The following KCMF1 variants were observed in gnomAD, a reference collection of about 807,000 sequenced individuals.
KCMF1 encodes the protein potassium channel modulatory factor 1.
Under a neutral mutation model 41.1 loss-of-function variants are expected in KCMF1, and 3 were observed. The ratio of observed to expected loss-of-function variants is 0.07; its 90% CI spans 0.03 to 0.19. The LOEUF (loss-of-function observed/expected upper bound fraction) is 0.19, where lower values mean the gene tolerates loss of function less well. Ranked by LOEUF, KCMF1 falls within the 10% of genes least tolerant of loss-of-function variation. KCMF1 has a pLI of 1.00. For synonymous variants in KCMF1, 142 were observed against 164.5 expected (o/e 0.86, Z 1.04); for missense variants, 286 against 488.9 (o/e 0.58, Z 3.91).
At chr2:85,009,752 C>T (rs1327409348) in intron 1 of KCMF1, among the ~76,000 whole-genome samples, 3 of 152,134 alleles carry the variant, frequency 2.0e-5, no homozygotes, top group Admixed American at 6.5e-5. Context: ...CCGTTTTCAA[C>T]GATGCCTTGA....
At chr2:85,019,610 T>A (rs918411357) in intron 1 of KCMF1, among the ~76,000 whole-genome samples, 1 of 152,124 alleles carries the variant, frequency 6.6e-6, no homozygotes, top group Non-Finnish European at 1.5e-5. Flanking sequence ...ATTCATAGTA[T>A]GCTAATCACC....
At chr2:84,998,491 T>C (rs1484231102) in intron 1 of KCMF1, among the ~76,000 whole-genome samples, 1 of 152,232 alleles carries the variant, frequency 6.6e-6, no homozygotes, top group East Asian at 1.9e-4. Flanking sequence ...TGATAATTTC[T>C]AATTCTTTTC....
intron 1 of KCMF1, among the ~76,000 whole-genome samples, chr2:84,987,891 A>C (rs952680967): frequency 6.6e-6 from 1 of 152,140 alleles, no homozygotes; most frequent in Non-Finnish European, 1.5e-5. Context: ...AGCACTTGTC[A>C]TGTGAGTGTT....
chr2:84,999,103 C>A (rs1485270769), intron 1 of KCMF1, among the ~76,000 whole-genome samples: 1 of 149,610 alleles, frequency 6.7e-6, no homozygotes, highest in African/African-American at 2.5e-5. Flanking sequence ...TGGAGTAATC[C>A]CAAAGTGCTG....
rs914113922 is a variant in KCMF1, at chr2:85,059,198, T to C, written c.*5789T>C. ...AATTAACAAGACACTAGTTTCCCCA[T>C]AAAAGTCCATTTTTAAATATATAGT... On this transcript the variant is annotated 3_prime_UTR_variant, in exon 7 of 7. Coordinates refer to ENST00000409785, the MANE Select transcript of KCMF1 (RefSeq NM_020122.5). 1.3e-5 allele frequency: 2 copies of C among 152,216 alleles called. No homozygotes were observed. Among genetic ancestry groups the C allele is most frequent in the African/African-American group, 4.8e-5 (2 of 41,462 alleles). The allele number at this position is 152,216 out of a possible 1,614,324, so 9.4% of individuals were successfully genotyped here.
At chr2:85,037,768 G>T (rs772052308) in intron 3 of KCMF1, among the ~76,000 whole-genome samples, 9 of 152,046 alleles carry the variant, frequency 5.9e-5, no homozygotes, top group Middle Eastern at 3.2e-3. Flanking sequence ...TCTAGACCAG[G>T]GTTCCCCAAC....
At chr2:85,042,597 C>G (rs1453120049) in intron 3 of KCMF1, among the ~76,000 whole-genome samples, 1 of 152,192 alleles carries the variant, frequency 6.6e-6, no homozygotes, top group Admixed American at 6.5e-5. Context: ...TGTGCACTTC[C>G]TGGGGCTCCT....
intron 1 of KCMF1, among the ~76,000 whole-genome samples, chr2:85,002,102 T>G (rs1674347377): frequency 6.6e-6 from 1 of 152,210 alleles, no homozygotes; most frequent in Non-Finnish European, 1.5e-5. Flanking sequence ...GGTAGAAGAA[T>G]TGATTATATT....
In KCMF1 at chr2:85,053,319, T is replaced by G; in HGVS notation, c.1056T>G (p.Cys352Trp). 6.2e-7 allele frequency: 1 copy of G among 1,613,916 alleles called. No individual in the cohort carries two copies. Among genetic ancestry groups the G allele is most frequent in the Non-Finnish European group, 8.5e-7 (1 of 1,179,862 alleles). ...GEMADFGAMG[C>W]VDIMPLDVAL... ...TGGCAGATTTTGGTGCTATGGGCTG[T>G]GTAGATATTATGCCTTTAGATGTTG... Residue 352 changes from cysteine to tryptophan, a missense_variant, in exon 7 of 7, where the codon TGT becomes TGG. Around this residue, in one of 2 missense-constraint regions of KCMF1, gnomAD observed 191 missense variants for 279.3 expected, o/e 0.68. Coordinates refer to ENST00000409785, the MANE Select transcript of KCMF1 (RefSeq NM_020122.5).
At chr2:85,031,251 A>T (rs1009462808) in intron 2 of KCMF1, among the ~76,000 whole-genome samples, 25 of 152,234 alleles carry the variant, frequency 1.6e-4, no homozygotes, top group Middle Eastern at 3.2e-3. Context: ...ATAATATTAA[A>T]TCTGCTGATA....
intron 1 of KCMF1, among the ~76,000 whole-genome samples, chr2:84,995,126 A>G (rs1461266912): frequency 6.6e-6 from 1 of 151,802 alleles, no homozygotes; most frequent in African/African-American, 2.4e-5. Context: ...GGTTCAAGCA[A>G]TTCTCCTGCC....
chr2:85,046,887 T>C (rs1430730834), intron 5 of KCMF1, among the ~76,000 whole-genome samples: 1 of 152,150 alleles, frequency 6.6e-6, no homozygotes, highest in East Asian at 1.9e-4. Flanking sequence ...TACAGGACAA[T>C]AAGATACTTA....
At chr2:85,012,009 G>A (rs1341283311) in intron 1 of KCMF1, among the ~76,000 whole-genome samples, 1 of 152,198 alleles carries the variant, frequency 6.6e-6, no homozygotes, top group Non-Finnish European at 1.5e-5. Context: ...AGCAGAAGGG[G>A]CTTGGAGCTG....
At chr2:84,983,405 C>T (rs531903220) in intron 1 of KCMF1, among the ~76,000 whole-genome samples, 1 of 152,164 alleles carries the variant, frequency 6.6e-6, no homozygotes, top group South Asian at 2.1e-4. Flanking sequence ...TACCTCACTG[C>T]AGCCTTGACC....
At chr2:85,036,947 A>C (rs142160515) in intron 3 of KCMF1, among the ~76,000 whole-genome samples, 2,686 of 151,468 alleles carry the variant, frequency 0.018, 51 homozygotes, top group East Asian at 0.046. Context: ...GGGCAAGGCA[A>C]CTCCTCAGTT....
chr2:85,043,548 T>TTTACTTCCA lies in KCMF1; in HGVS notation c.325-13_325-5dup, dbSNP rs763098164. 1.4e-5 allele frequency: 21 copies of TTTACTTCCA among 1,478,134 alleles called. No homozygotes were observed. The highest frequency in any genetic ancestry group is 1.7e-5 in the Non-Finnish European group (18 of 1,059,830). 91.6% of individuals were successfully genotyped at this position (1,478,134 alleles called of 1,614,324 possible). On this transcript the variant is annotated splice_polypyrimidine_tract_variant and intron_variant, in intron 3 of 6. Coordinates refer to ENST00000409785, the MANE Select transcript of KCMF1 (RefSeq NM_020122.5). ...GACGTTCATTTATTAAGCTGCTTTC[T>TTTACTTCCA]TTACTTCCATTTCAGATTTGTCCAA...
chr2:84,977,242 TGGTTTTG>T (rs917376414), intron 1 of KCMF1, among the ~76,000 whole-genome samples: 1 of 152,126 alleles, frequency 6.6e-6, no homozygotes, highest in Non-Finnish European at 1.5e-5. Context: ...AGAAATAATT[TGGTTTTG>T]GGATTTGGGG....
intron 4 of KCMF1, among the ~76,000 whole-genome samples, chr2:85,043,929 G>C (rs2104055244): frequency 6.6e-6 from 1 of 152,126 alleles, no homozygotes; most frequent in African/African-American, 2.4e-5. Flanking sequence ...TTACTTATTT[G>C]AACTTTTCCT....
chr2:85,013,301 C>A (rs1293384357), intron 1 of KCMF1, among the ~76,000 whole-genome samples: 1 of 152,150 alleles, frequency 6.6e-6, no homozygotes, highest in South Asian at 2.1e-4. Context: ...CAGGGCAGAT[C>A]TTTTCCCACC....
Sources: allele counts gnomAD v4.1 joint callset (sites outside exome capture counted in the v4.1 genomes callset), GRCh38; gene constraint gnomAD v4.1.1; regional missense constraint gnomAD v4.1.1; transcripts MANE v1.5; gene names NCBI Gene and HGNC (gene_info 2026-07-23, HGNC 2026-07-21).